The following TTC27 variants were observed in gnomAD, a reference collection of about 807,000 sequenced individuals.
The protein encoded by TTC27 is tetratricopeptide repeat protein 27.
In TTC27, 79 loss-of-function variants were observed where a neutral mutation model predicts 115.9. That is an observed-to-expected ratio of 0.68 (90% CI 0.57 to 0.82). The LOEUF (loss-of-function observed/expected upper bound fraction) is 0.82, where lower values mean the gene tolerates loss of function less well. TTC27 is among the 40% of genes least tolerant of loss of function. The pLI is 0.00. For missense variants in TTC27, 1,054 were observed against 993.1 expected (o/e 1.06, Z -0.82); for synonymous variants, 401 against 356.0 (o/e 1.13, Z -1.42).
rs1275444833 is a variant in TTC27, at chr2:32,672,269, T to C, written c.940-3T>C. The C allele has an allele frequency of 6.2e-7, 1 of 1,609,316 alleles. No homozygotes were observed. The highest frequency in any genetic ancestry group is 1.7e-5 in the Admixed American group (1 of 59,712). The stretch of plus-strand genomic sequence containing the variant: ...CTAAGTATTTTCTTTTGTATTCTAC[T>C]AGAATCTTGAGCTCAATGATGACAC... On this transcript the variant is annotated splice_polypyrimidine_tract_variant and splice_region_variant and intron_variant, in intron 7 of 19. Transcript: ENST00000317907.
chr2:32,689,831 G>A (rs1298011224), intron 9 of TTC27, among the ~76,000 whole-genome samples: 1 of 152,058 alleles, frequency 6.6e-6, no homozygotes, highest in Non-Finnish European at 1.5e-5. Context: ...GAATAGCATA[G>A]GTAATTGAAA....
chr2:32,674,621 A>G (rs1666130601), intron 8 of TTC27, among the ~76,000 whole-genome samples: 1 of 152,098 alleles, frequency 6.6e-6, no homozygotes, highest in South Asian at 2.1e-4. Context: ...TTCTAAAGCC[A>G]AAGCAATTTT....
intron 3 of TTC27, 35 bp downstream of exon 3, chr2:32,634,040 TTA>T: frequency 6.3e-7 from 1 of 1,579,502 alleles, no homozygotes; most frequent in South Asian, 1.2e-5. Flanking sequence ...GTAATTATTA[TTA>T]TGTTATTTAT....
At chr2:32,694,079 ACT>A (rs1666903129) in intron 9 of TTC27, among the ~76,000 whole-genome samples, 1 of 152,194 alleles carries the variant, frequency 6.6e-6, no homozygotes, top group Admixed American at 6.5e-5. Context: ...CAAGAGGCTA[ACT>A]CTCTAGTCGT....
chr2:32,637,793 C>G (rs1244366400), intron 3 of TTC27, among the ~76,000 whole-genome samples: 1 of 152,194 alleles, frequency 6.6e-6, no homozygotes, highest in Non-Finnish European at 1.5e-5. Flanking sequence ...TCTGAGTTCT[C>G]AAGTCAGTAT....
At chr2:32,648,423 C>T (rs1664950524) in intron 4 of TTC27, among the ~76,000 whole-genome samples, 1 of 145,446 alleles carries the variant, frequency 6.9e-6, no homozygotes, top group African/African-American at 2.6e-5. Flanking sequence ...AACCACTGCA[C>T]CTGGCACCCC....
intron 3 of TTC27, 81 bp downstream of exon 3, chr2:32,634,086 A>C: frequency 1.4e-6 from 2 of 1,445,326 alleles, no homozygotes; most frequent in Non-Finnish European, 1.9e-6. Context: ...ACTGGAACTC[A>C]TAGTAGGAAA....
intron 13 of TTC27, among the ~76,000 whole-genome samples, chr2:32,775,819 T>C (rs1441272013): frequency 6.6e-6 from 1 of 152,234 alleles, no homozygotes; most frequent in African/African-American, 2.4e-5. Context: ...AAGTACACTT[T>C]AACATTGATG....
At chr2:32,818,790 T>G (rs3769560) in intron 19 of TTC27, among the ~76,000 whole-genome samples, 62,876 of 151,970 alleles carry the variant, frequency 0.41, 13,457 homozygotes, top group South Asian at 0.59. Flanking sequence ...TCTGAATACC[T>G]TTTTACTCTG....
At chr2:32,767,792 T>G (rs1669690255) in intron 13 of TTC27, among the ~76,000 whole-genome samples, 1 of 152,208 alleles carries the variant, frequency 6.6e-6, no homozygotes, top group African/African-American at 2.4e-5. Flanking sequence ...AAAGCTAGAA[T>G]TAAAAATATG....
intron 12 of TTC27, among the ~76,000 whole-genome samples, chr2:32,744,209 T>G (rs543201307): frequency 1.3e-5 from 2 of 152,360 alleles, no homozygotes; most frequent in African/African-American, 4.8e-5. Context: ...TGTCCTGCTC[T>G]AAAGCAGTGA....
At chr2:32,695,017 G>A (rs2151896819) in intron 9 of TTC27, among the ~76,000 whole-genome samples, 1 of 152,078 alleles carries the variant, frequency 6.6e-6, no homozygotes, top group Middle Eastern at 3.4e-3. Flanking sequence ...TAGTGGTTTT[G>A]TAAAATACAT....
chr2:32,672,435 CT>C, intron 8 of TTC27, 51 bp downstream of exon 8: 1 of 1,345,194 alleles, frequency 7.4e-7, no homozygotes, highest in Non-Finnish European at 1.1e-6. Context: ...TATTGATTCT[CT>C]TATGTGTGGA....
intron 9 of TTC27, among the ~76,000 whole-genome samples, chr2:32,694,363 C>G (rs1666913970): frequency 6.6e-6 from 1 of 152,018 alleles, no homozygotes; most frequent in Non-Finnish European, 1.5e-5. Context: ...GAAAAAAATT[C>G]TGAAATTTGG....
chr2:32,751,294 ACACACACATG>A (rs1478932661), intron 12 of TTC27, among the ~76,000 whole-genome samples: 46 of 151,526 alleles, frequency 3.0e-4, no homozygotes, highest in African/African-American at 9.9e-4. Context: ...ACACACACAC[ACACACACATG>A]CACACACATA....
At chr2:32,815,564 C>CT (rs1671475685) in intron 18 of TTC27, among the ~76,000 whole-genome samples, 1 of 152,074 alleles carries the variant, frequency 6.6e-6, no homozygotes, top group African/African-American at 2.4e-5. Flanking sequence ...CTGTCTGTCT[C>CT]TATCTCAGTC....
At chr2:32,766,781 T>C (rs1318708375) in intron 13 of TTC27, among the ~76,000 whole-genome samples, 1 of 152,126 alleles carries the variant, frequency 6.6e-6, no homozygotes, top group Non-Finnish European at 1.5e-5. Flanking sequence ...TCATATTGCT[T>C]TATTATTTAT....
rs374944137 is a variant in TTC27 at position 32,629,902 on chromosome 2, TGTGG to T, written c.89-619_89-616del. Among the ~76,000 whole-genome samples the T allele has an allele frequency of 5.3e-4, 80 of 152,310 alleles. 1 individual carries two copies. In the Middle Eastern group the frequency reaches 0.014, roughly 26 times the overall value. ...AGTACTCTGTGTGTATGTGTGTGTG[TGTGG>T]GCACTTGTGTGACACAGTAGGTGCT... On this transcript the variant is annotated intron_variant, in intron 1 of 19. Transcript: ENST00000317907.
At chr2:32,773,424 T>A (rs1351409861) in intron 13 of TTC27, among the ~76,000 whole-genome samples, 1 of 152,216 alleles carries the variant, frequency 6.6e-6, no homozygotes, top group Non-Finnish European at 1.5e-5. Flanking sequence ...TAAAGAATTA[T>A]CTTTTGGGTT....
Sources: gnomAD v4.1 joint callset for allele counts (sites outside exome capture counted in the v4.1 genomes callset) on GRCh38, gnomAD v4.1.1 for gene constraint, MANE v1.5 for transcripts, NCBI Gene and HGNC (gene_info 2026-07-23, HGNC 2026-07-21) for gene names.